Variants in ST3GAL1 observed in about 807,000 individuals in gnomAD.
ST3GAL1 encodes CMP-N-acetylneuraminate-beta-galactosamide-alpha-2,3-sialyltransferase 1.
ST3GAL1 carries 16 observed loss-of-function variants against 34.1 expected under a neutral mutation model. That is an observed-to-expected ratio of 0.47 (90% CI 0.32 to 0.71). ST3GAL1 has a LOEUF of 0.71. Among genes scored for constraint, ST3GAL1 ranks in the 30% least tolerant of loss-of-function variants. ST3GAL1 has a pLI of 0.04. For synonymous variants in ST3GAL1, 191 were observed against 184.7 expected, an observed-to-expected ratio of 1.03 and a Z score of -0.28; for missense variants, 353 against 447.4, an observed-to-expected ratio of 0.79 and a Z score of 1.90.
Position 133,461,253 on chromosome 8 carries a change from C to G in ST3GAL1, c.849+622G>C, listed in dbSNP as rs2130914333. ...AAGAAGGGACACGTGAGGGCCCTGC[C>G]TGAACCCAACATCAGGGAGGAAGTG... is the stretch of plus-strand genomic sequence containing the variant. On this transcript the variant is annotated intron_variant, in intron 9 of 9. Coordinates refer to ENST00000522652, the MANE Select transcript of ST3GAL1 (RefSeq NM_173344.3). The surrounding 1 kb of genome is among the most constrained non-coding windows in gnomAD (Gnocchi z 4.7). Among the ~76,000 whole-genome samples, 1 of 152,298 alleles carries G rather than the reference C, an allele frequency of 6.6e-6. No homozygotes were observed. Among genetic ancestry groups the G allele is most frequent in the East Asian group, 1.9e-4 (1 of 5,182 alleles).
chr8:133,558,640 C>G (rs1372011722), intron 1 of ST3GAL1, among the ~76,000 whole-genome samples: 1 of 152,164 alleles, frequency 6.6e-6, no homozygotes, highest in Non-Finnish European at 1.5e-5. Flanking sequence ...GTTTATGACA[C>G]CATGGCTCAG....
chr8:133,563,361 A>C (rs1215934499), intron 1 of ST3GAL1, among the ~76,000 whole-genome samples: 2 of 152,098 alleles, frequency 1.3e-5, no homozygotes. Context: ...CATATTTTAT[A>C]CTCCATTAAG....
chr8:133,458,321 A>C lies in ST3GAL1; in HGVS notation c.*1443T>G, dbSNP rs753601034. ...GTTGAATAAAAAAAAGAAATCAATA[A>C]ATAATCAGGAAGGCTAATGAGGAAA... is the stretch of plus-strand genomic sequence containing the variant. On this transcript the variant is annotated 3_prime_UTR_variant, in exon 10 of 10. Transcript: ENST00000522652. 4 of 152,166 alleles carry C rather than the reference A, an allele frequency of 2.6e-5. No homozygotes were observed. Among genetic ancestry groups the C allele is most frequent in the Non-Finnish European group, 5.9e-5 (4 of 68,038 alleles). 9.4% of individuals were successfully genotyped at this position (152,166 alleles called of 1,614,324 possible).
chr8:133,558,176 A>AG (rs1306651660), intron 1 of ST3GAL1, among the ~76,000 whole-genome samples: 1 of 152,230 alleles, frequency 6.6e-6, no homozygotes, highest in Non-Finnish European at 1.5e-5. Context: ...TGGGGCACAG[A>AG]GCTCCCTACC....
At chr8:133,565,028 G>T (rs1341569290) in intron 1 of ST3GAL1, among the ~76,000 whole-genome samples, 1 of 152,210 alleles carries the variant, frequency 6.6e-6, no homozygotes, top group East Asian at 1.9e-4. Flanking sequence ...CCAGCTGTGT[G>T]GCCTTAGGCA....
At chr8:133,507,196 T>C (rs1407995098) in intron 2 of ST3GAL1, among the ~76,000 whole-genome samples, 1 of 152,216 alleles carries the variant, frequency 6.6e-6, no homozygotes, top group African/African-American at 2.4e-5. Flanking sequence ...ATGAGTGTGC[T>C]ACCATGCTGT....
chr8:133,519,214 T>C lies in ST3GAL1; in HGVS notation c.-428-20025A>G, dbSNP rs117579971. Among the ~76,000 whole-genome samples the C allele has an allele frequency of 8.5e-5, 13 of 152,176 alleles. No individual in the cohort carries two copies. In the East Asian group the frequency reaches 2.3e-3, roughly 27 times the overall value. ...TTGACACCTACTAGCCTGGCAAAAA[T>C]TAGAAGACACTGTGATGCCAAGAAG... is the stretch of plus-strand genomic sequence containing the variant. On this transcript the variant is annotated intron_variant, in intron 2 of 9. Coordinates refer to ENST00000522652, the MANE Select transcript of ST3GAL1 (RefSeq NM_173344.3).
chr8:133,532,826 C>A (rs116130592), intron 2 of ST3GAL1, among the ~76,000 whole-genome samples: 1 of 152,122 alleles, frequency 6.6e-6, no homozygotes, highest in South Asian at 2.1e-4. Context: ...CAGAAGAGTC[C>A]GCAGGTGCTG....
At chr8:133,540,520 A>G (rs1377525626) in intron 2 of ST3GAL1, among the ~76,000 whole-genome samples, 1 of 151,996 alleles carries the variant, frequency 6.6e-6, no homozygotes, top group Non-Finnish European at 1.5e-5. Flanking sequence ...AGAAGACTGA[A>G]TCAGTCCCTG....
chr8:133,559,888 G>A (rs1229773499), intron 1 of ST3GAL1, among the ~76,000 whole-genome samples: 4 of 152,154 alleles, frequency 2.6e-5, no homozygotes, highest in South Asian at 4.2e-4. Flanking sequence ...GTGGCTCACC[G>A]CCTCCCTCAA....
chr8:133,551,954 T>A (rs1430743351), intron 1 of ST3GAL1, among the ~76,000 whole-genome samples: 1 of 152,184 alleles, frequency 6.6e-6, no homozygotes, highest in Non-Finnish European at 1.5e-5. Context: ...CTCAAGGTCA[T>A]ATGACTGATA....
chr8:133,549,943 C>CA (rs1177137318), intron 1 of ST3GAL1, among the ~76,000 whole-genome samples: 2 of 151,900 alleles, frequency 1.3e-5, no homozygotes, highest in Non-Finnish European at 2.9e-5. Context: ...GCTTGGGGAA[C>CA]AAGAGTGAAA....
chr8:133,561,192 C>T (rs758653634), intron 1 of ST3GAL1, among the ~76,000 whole-genome samples: 5 of 150,938 alleles, frequency 3.3e-5, no homozygotes, highest in East Asian at 1.9e-4. Flanking sequence ...GTTCCCAAAC[C>T]GTCTGCAAGA....
At position 133,466,099 on chromosome 8, in the gene ST3GAL1, G is replaced by A. The variant is rs377225585; in HGVS notation, c.307-9C>T. ...TTCTCCCGCTGGAGCCTCTGTGGGC[G>A]GAGGACAGAAGGTGGTCAACCTGGC... is the stretch of plus-strand genomic sequence containing the variant. On this transcript the variant is annotated splice_polypyrimidine_tract_variant and intron_variant, in intron 5 of 9. Coordinates refer to ENST00000522652, the MANE Select transcript of ST3GAL1 (RefSeq NM_173344.3). The surrounding 1 kb of genome is among the most constrained non-coding windows in gnomAD (Gnocchi z 4.4). 33 of 1,606,486 alleles carry A rather than the reference G, an allele frequency of 2.1e-5. No individual in the cohort carries two copies. Among genetic ancestry groups the A allele is most frequent in the South Asian group, 1.9e-4 (17 of 90,512 alleles).
At chr8:133,554,094 G>A (rs1334139082) in intron 1 of ST3GAL1, among the ~76,000 whole-genome samples, 1 of 152,196 alleles carries the variant, frequency 6.6e-6, no homozygotes, top group Non-Finnish European at 1.5e-5. Flanking sequence ...CATCAAAGGT[G>A]GAGGATTTCT....
At position 133,525,082 on chromosome 8, in the gene ST3GAL1, A is replaced by G. The variant is rs145972592; in HGVS notation, c.-429+20692T>C. 7.9e-3 allele frequency among the ~76,000 whole-genome samples: 1,196 copies of G among 152,300 alleles called. 19 individuals carry two copies. The highest frequency in any genetic ancestry group is 0.034 in the Middle Eastern group (10 of 294). ...TCAGCGGGTCCTGAGTTCTTGTACCATGTCCAGGAAGAATGAGGTATGCAG... is the reference window on the plus strand; with the variant it reads ...TCAGCGGGTCCTGAGTTCTTGTACCGTGTCCAGGAAGAATGAGGTATGCAG... On this transcript the variant is annotated intron_variant, in intron 2 of 9. Coordinates refer to ENST00000522652, the MANE Select transcript of ST3GAL1 (RefSeq NM_173344.3).
intron 3 of ST3GAL1, among the ~76,000 whole-genome samples, chr8:133,488,858 A>G (rs1011594974): frequency 6.6e-5 from 8 of 120,804 alleles, no homozygotes; most frequent in Non-Finnish European, 8.7e-5. Flanking sequence ...CTGCAGCGGC[A>G]CTGGCAGACA....
intron 2 of ST3GAL1, among the ~76,000 whole-genome samples, chr8:133,541,843 AG>A (rs1472698009): frequency 6.6e-6 from 1 of 152,174 alleles, no homozygotes; most frequent in African/African-American, 2.4e-5. Context: ...AGCAAGGGAA[AG>A]GGTCTGAAAC....
At chr8:133,566,508 T>C (rs1173705165) in intron 1 of ST3GAL1, among the ~76,000 whole-genome samples, 6 of 151,998 alleles carry the variant, frequency 3.9e-5, no homozygotes, top group Admixed American at 2.0e-4. Context: ...TCTCCCTTAA[T>C]CCTCCTGGGG....
Sources: allele counts gnomAD v4.1 joint callset (sites outside exome capture counted in the v4.1 genomes callset), GRCh38; gene constraint gnomAD v4.1.1; non-coding constraint Gnocchi (gnomAD v3.1); transcripts MANE v1.5; gene names NCBI Gene and HGNC (gene_info 2026-07-23, HGNC 2026-07-21).